AHCYL1: variants seen among roughly 807,000 people sequenced by gnomAD.
AHCYL1 encodes the protein S-adenosylhomocysteine hydrolase-like protein 1.
In AHCYL1, 20 loss-of-function variants were observed where a neutral mutation model predicts 79.3. The observed-to-expected ratio is 0.25, with a 90% confidence interval of 0.18 to 0.37. The LOEUF (loss-of-function observed/expected upper bound fraction) is 0.37, where lower values mean the gene tolerates loss of function less well. Among genes scored for constraint, AHCYL1 ranks in the 10% least tolerant of loss-of-function variants. AHCYL1 has a pLI of 1.00. For synonymous variants in AHCYL1, 223 were observed against 242.2 expected (o/e 0.92, Z 0.74); for missense variants, 330 against 673.6 (o/e 0.49, Z 5.65).
At chr1:110,007,563 T>C (rs1650735087) in intron 1 of AHCYL1, among the ~76,000 whole-genome samples, 1 of 152,188 alleles carries the variant, frequency 6.6e-6, no homozygotes, top group African/African-American at 2.4e-5. Flanking sequence ...GAAGGGTACA[T>C]GTGAAAGAGG....
At position 110,017,950 on chromosome 1, in the gene AHCYL1, G is replaced by A; in HGVS notation, c.1057G>A (p.Asp353Asn). ...DPICALQACM[D>N]GFRVVKLNEV... ...TGTTCCTTTCTTTTCTTCCAGCATG[G>A]ATGGGTTCAGGGTGGTAAAGCTAAA... Residue 353 changes from aspartate (D) to asparagine (N), a missense_variant, in exon 11 of 17, where the codon GAT becomes AAT. Coordinates refer to ENST00000369799, the MANE Select transcript of AHCYL1 (RefSeq NM_006621.7). 6.2e-7 allele frequency: 1 copy of A among 1,614,134 alleles called. No homozygotes were observed. The highest frequency in any genetic ancestry group is 1.6e-4 in the Middle Eastern group (1 of 6,062).
chr1:110,004,718 C>A (rs962934046), intron 1 of AHCYL1, among the ~76,000 whole-genome samples: 2 of 152,004 alleles, frequency 1.3e-5, no homozygotes, highest in African/African-American at 4.8e-5. Context: ...TTGCAGCCAG[C>A]CTGGCAAACA....
At position 110,009,763 on chromosome 1, in the gene AHCYL1, T is replaced by C. The variant is rs998682100; in HGVS notation, c.232+618T>C. On this transcript the variant is annotated intron_variant, in intron 2 of 16. Coordinates refer to ENST00000369799, the MANE Select transcript of AHCYL1 (RefSeq NM_006621.7). ...AAGTCTTTTTCTGTTTTGTATTGTG[T>C]CTTTCCCAACTATAGAGCATGTATT... Among the ~76,000 whole-genome samples the C allele has an allele frequency of 7.9e-5, 12 of 152,240 alleles. 1 individual carries two copies. Among genetic ancestry groups the C allele is most frequent in the Admixed American group, 7.9e-4 (12 of 15,286 alleles).
At chr1:110,003,856 T>A (rs917026047) in intron 1 of AHCYL1, 2 of 913,964 alleles carry the variant, frequency 2.2e-6, no homozygotes, top group East Asian at 2.4e-4. Flanking sequence ...TAACTTCTTA[T>A]GTTTACTTCT....
chr1:110,004,271 C>T (rs1650508281), intron 1 of AHCYL1: 1 of 985,382 alleles, frequency 1.0e-6, no homozygotes, highest in Non-Finnish European at 1.2e-6. Context: ...AAACTCAGGC[C>T]CCATCTGGGG....
intron 5 of AHCYL1, among the ~76,000 whole-genome samples, chr1:110,013,802 C>CT (rs151045613): frequency 0.32 from 45,055 of 142,018 alleles, 8,656 homozygotes; most frequent in African/African-American, 0.53. Flanking sequence ...ATCTTTCTTT[C>CT]TTTTTTTTTT....
chr1:110,018,749 T>C, intron 13 of AHCYL1, 99 bp downstream of exon 13: 2 of 1,136,150 alleles, frequency 1.8e-6, no homozygotes, highest in South Asian at 1.4e-5. Flanking sequence ...TATGTTTCCC[T>C]GAATTTTATC....
At chr1:110,019,413 T>C (rs1377369957) in intron 14 of AHCYL1, 135 bp from the exon 15 acceptor site, 4 of 812,244 alleles carry the variant, frequency 4.9e-6, no homozygotes, top group African/African-American at 1.7e-5. Flanking sequence ...CCCTTTAGTA[T>C]AGGCAAAGTC....
chr1:109,990,283 G>A (rs1255859419), intron 1 of AHCYL1, among the ~76,000 whole-genome samples: 11 of 152,186 alleles, frequency 7.2e-5, no homozygotes, highest in Admixed American at 6.5e-4. Flanking sequence ...CAATGATAGT[G>A]CTATCTATAT....
intron 2 of AHCYL1, among the ~76,000 whole-genome samples, chr1:110,009,476 TAAA>T (rs1259192713): frequency 1.3e-5 from 2 of 152,234 alleles, no homozygotes; most frequent in African/African-American, 2.4e-5. Flanking sequence ...GAATTGGACT[TAAA>T]AAAGAAGTGC....
At chr1:109,985,409 G>T (rs1030412013) in intron 1 of AHCYL1, 3 of 1,258,872 alleles carry the variant, frequency 2.4e-6, no homozygotes, top group Non-Finnish European at 3.0e-6. Context: ...AACCCGACAG[G>T]GCCAGGCCTT....
rs1651871312 is a variant in AHCYL1, at chr1:110,022,565, G to T, written c.*885G>T. 6.6e-6 allele frequency: 1 copy of T among 152,612 alleles called. No homozygotes were observed. Among genetic ancestry groups the T allele is most frequent in the Non-Finnish European group, 1.5e-5 (1 of 68,042 alleles). 9.5% of individuals were successfully genotyped at this position (152,612 alleles called of 1,614,324 possible). A position where few individuals can be genotyped will look rare whatever the true frequency, so the allele number is the denominator to read the frequency against. On this transcript the variant is annotated 3_prime_UTR_variant, in exon 17 of 17. Coordinates refer to ENST00000369799, the MANE Select transcript of AHCYL1 (RefSeq NM_006621.7). Reference sequence around the variant, plus strand: ...CTAGCCCGTAGTTCATAGCATCAGTGAACTGGAGCCACAACAGCAAATTCT... The same window carrying T: ...CTAGCCCGTAGTTCATAGCATCAGTTAACTGGAGCCACAACAGCAAATTCT...
At chr1:109,987,939 CA>C (rs1391301568) in intron 1 of AHCYL1, among the ~76,000 whole-genome samples, 1 of 152,052 alleles carries the variant, frequency 6.6e-6, no homozygotes, top group Non-Finnish European at 1.5e-5. Flanking sequence ...GTTAAGATAG[CA>C]GTGTAATTTT....
chr1:110,016,573 T>C, intron 8 of AHCYL1, 94 bp from the exon 9 acceptor site: 1 of 1,574,644 alleles, frequency 6.4e-7, no homozygotes, highest in Non-Finnish European at 8.7e-7. Context: ...CCAATTGATA[T>C]TCTCATGGGC....
intron 13 of AHCYL1, 89 bp from the exon 14 acceptor site, chr1:110,018,962 G>T: frequency 8.3e-7 from 1 of 1,206,472 alleles, no homozygotes; most frequent in Non-Finnish European, 1.2e-6. Context: ...GTCTAGAGGG[G>T]TGTAAAGTCC....
At chr1:109,992,299 A>G in intron 1 of AHCYL1, among the ~76,000 whole-genome samples, 1 of 150,900 alleles carries the variant, frequency 6.6e-6, no homozygotes, top group East Asian at 2.0e-4. Context: ...AGTCCCAGCT[A>G]CCCGGGAGGC....
In AHCYL1 at chr1:109,984,984, G is replaced by T; in HGVS notation, c.-69G>T. Reference sequence around the variant, plus strand: ...CGTGTCGGAGGGCGCCGCGCGGGCAGGCGGGCGGGCGCCAGAGGGGGAAAG... The same window carrying T: ...CGTGTCGGAGGGCGCCGCGCGGGCATGCGGGCGGGCGCCAGAGGGGGAAAG... On this transcript the variant is annotated 5_prime_UTR_variant, in exon 1 of 17. The change creates a new upstream start codon in the 5' untranslated region. Coordinates refer to ENST00000369799, the MANE Select transcript of AHCYL1 (RefSeq NM_006621.7). 1 of 1,384,186 alleles carries T rather than the reference G, an allele frequency of 7.2e-7. No homozygotes were observed. Among genetic ancestry groups the T allele is most frequent in the Non-Finnish European group, 9.3e-7 (1 of 1,070,698 alleles). 85.7% of individuals were successfully genotyped at this position (1,384,186 alleles called of 1,614,324 possible). A position where few individuals can be genotyped will look rare whatever the true frequency, so the allele number is the denominator to read the frequency against.
chr1:110,014,779 T>A lies in AHCYL1; in HGVS notation c.597T>A (p.Ala199=), dbSNP rs1456533850. The A allele has an allele frequency of 1.2e-6, 2 of 1,614,184 alleles. No individual in the cohort carries two copies. Among genetic ancestry groups the A allele is most frequent in the Admixed American group, 1.7e-5 (1 of 60,028 alleles). ...ALAEAGVAVF[A]WKGESEDDFW... ...TCTCTACAGGAGTTGCAGTGTTCGC[T>A]TGGAAGGGCGAGTCAGAAGATGACT... Residue 199 remains alanine (A), a synonymous_variant, in exon 6 of 17, where the codon GCT becomes GCA. Transcript: ENST00000369799.
rs571572102 is a variant in AHCYL1 at position 109,985,933 on chromosome 1, A to G, written c.120+761A>G. 1.2e-4 allele frequency among the ~76,000 whole-genome samples: 18 copies of G among 152,246 alleles called. 1 individual carries two copies. The South Asian group carries it at 1.5e-3, about 12-fold the overall frequency. ...TTTTGAGGCAGAACAAGTTTGATCT[A>G]TTGTGCTGTAGGTTGACTCAAAGGA... On this transcript the variant is annotated intron_variant, in intron 1 of 16. Coordinates refer to ENST00000369799, the MANE Select transcript of AHCYL1 (RefSeq NM_006621.7).
Sources: allele counts gnomAD v4.1 joint callset (sites outside exome capture counted in the v4.1 genomes callset), GRCh38; gene constraint gnomAD v4.1.1; transcripts MANE v1.5; gene names NCBI Gene and HGNC (gene_info 2026-07-23, HGNC 2026-07-21).